MMAA: variants seen among roughly 807,000 people sequenced by gnomAD.
The protein encoded by MMAA is methylmalonic aciduria type A protein, mitochondrial.
Under a neutral mutation model 45.0 loss-of-function variants are expected in MMAA, and 41 were observed. The ratio of observed to expected loss-of-function variants is 0.91; its 90% CI spans 0.71 to 1.18. The LOEUF is 1.18. Among genes scored for constraint, MMAA ranks in the 50% most tolerant of loss-of-function variants. The pLI is 0.00. For synonymous variants in MMAA, 154 were observed against 178.2 expected (o/e 0.86, Z 1.08); for missense variants, 460 against 495.7 (o/e 0.93, Z 0.68).
chr4:145,622,224 G>A (rs1182199983), intron 1 of MMAA, among the ~76,000 whole-genome samples: 1 of 152,036 alleles, frequency 6.6e-6, no homozygotes, highest in Non-Finnish European at 1.5e-5. Flanking sequence ...AGTCTCATGG[G>A]ATCTGATGGT....
intron 4 of MMAA, among the ~76,000 whole-genome samples, chr4:145,646,798 G>A (rs1381015486): frequency 1.3e-5 from 2 of 152,192 alleles, no homozygotes; most frequent in African/African-American, 4.8e-5. Flanking sequence ...AAGATACACG[G>A]GAGTGAGAAA....
At chr4:145,625,207 C>G in intron 1 of MMAA, 2 of 1,407,866 alleles carry the variant, frequency 1.4e-6, no homozygotes, top group Non-Finnish European at 2.0e-6. Flanking sequence ...GGCTGTTACA[C>G]TTTTGATAAC....
At chr4:145,630,561 T>G (rs1202099460) in intron 1 of MMAA, among the ~76,000 whole-genome samples, 1 of 152,168 alleles carries the variant, frequency 6.6e-6, no homozygotes, top group East Asian at 1.9e-4. Flanking sequence ...AAACCCCATC[T>G]CTACTAAAAA....
At chr4:145,653,858 A>G (rs1009655946) in intron 5 of MMAA, 136 bp from the exon 6 acceptor site, 16 of 896,096 alleles carry the variant, frequency 1.8e-5, no homozygotes, top group Non-Finnish European at 2.8e-5. Context: ...CTGTCAAGTA[A>G]TGGTGATTCT....
chr4:145,631,104 G>GAGA (rs1176726998), intron 1 of MMAA, among the ~76,000 whole-genome samples: 1 of 152,212 alleles, frequency 6.6e-6, no homozygotes, highest in Non-Finnish European at 1.5e-5. Flanking sequence ...ATGTACCAAA[G>GAGA]AGAAGAATGT....
At chr4:145,636,780 G>C (rs1727622019) in intron 1 of MMAA, among the ~76,000 whole-genome samples, 1 of 152,150 alleles carries the variant, frequency 6.6e-6, no homozygotes, top group Admixed American at 6.5e-5. Flanking sequence ...TTCTTTCTTT[G>C]ATGTCACGTA....
Position 145,655,443 on chromosome 4 carries a change from A to T in MMAA, c.*9A>T. 6.2e-7 allele frequency: 1 copy of T among 1,601,550 alleles called. No homozygotes were observed. The highest frequency in any genetic ancestry group is 1.1e-5 in the South Asian group (1 of 88,624). On this transcript the variant is annotated 3_prime_UTR_variant, in exon 7 of 7. Coordinates refer to ENST00000649156, the MANE Select transcript of MMAA (RefSeq NM_172250.3). Reference sequence around the variant, plus strand: ...TTAAAAGCAGAGACTAATAAAATTCATCCTGTATAATAATTTTACATATCA... The same window carrying T: ...TTAAAAGCAGAGACTAATAAAATTCTTCCTGTATAATAATTTTACATATCA...
chr4:145,630,431 T>G lies in MMAA; in HGVS notation c.-65-8644T>G, dbSNP rs191167558. 1.4e-3 allele frequency among the ~76,000 whole-genome samples: 208 copies of G among 152,306 alleles called. 1 individual carries two copies. Among genetic ancestry groups the G allele is most frequent in the Middle Eastern group, 0.01 (3 of 294 alleles). ...GCTTGCTCTTGATTTTCTAGCTCTT[T>G]AAGATGCATTGTTTAGGCCGGGTGC... On this transcript the variant is annotated intron_variant, in intron 1 of 6. Coordinates refer to ENST00000649156, the MANE Select transcript of MMAA (RefSeq NM_172250.3).
At chr4:145,625,277 A>G in intron 1 of MMAA, 1 of 766,866 alleles carries the variant, frequency 1.3e-6, no homozygotes, top group African/African-American at 1.7e-5. Flanking sequence ...TAAGCCCTTT[A>G]GGTTTCCCCA....
chr4:145,655,570 A>T lies in MMAA; in HGVS notation c.*136A>T. On this transcript the variant is annotated 3_prime_UTR_variant, in exon 7 of 7. Transcript: ENST00000649156. ...CTTTGTTTGTGACCCATGCTTGAAA[A>T]CTTGAAGGAAGTTAGATATGAATGG... 2.3e-6 allele frequency: 2 copies of T among 881,822 alleles called. No individual in the cohort carries two copies. Among genetic ancestry groups the T allele is most frequent in the South Asian group, 1.9e-5 (1 of 51,454 alleles). 54.6% of individuals were successfully genotyped at this position (881,822 alleles called of 1,614,324 possible).
At chr4:145,649,821 G>A (rs899889512) in intron 4 of MMAA, among the ~76,000 whole-genome samples, 1 of 151,898 alleles carries the variant, frequency 6.6e-6, no homozygotes, top group Non-Finnish European at 1.5e-5. Flanking sequence ...GCCCAGGTGG[G>A]AGCACAGCAG....
intron 2 of MMAA, among the ~76,000 whole-genome samples, chr4:145,641,199 G>A (rs188193212): frequency 7.9e-5 from 12 of 152,232 alleles, no homozygotes. Context: ...GCAAACTCCC[G>A]CAGAGAAATT....
At chr4:145,624,641 C>T in intron 1 of MMAA, 1 of 1,431,160 alleles carries the variant, frequency 7.0e-7, no homozygotes, top group Non-Finnish European at 9.7e-7. Flanking sequence ...AAGGACAGAG[C>T]CACATATTCA....
At chr4:145,619,859 A>G (rs1734055726) in intron 1 of MMAA, among the ~76,000 whole-genome samples, 1 of 152,180 alleles carries the variant, frequency 6.6e-6, no homozygotes, top group African/African-American at 2.4e-5. Context: ...AATCCAGGAT[A>G]TAAAAGTTGG....
At chr4:145,640,215 C>A (rs1338704848) in intron 2 of MMAA, among the ~76,000 whole-genome samples, 4 of 151,948 alleles carry the variant, frequency 2.6e-5, no homozygotes, top group African/African-American at 2.4e-5. Context: ...CAGGTTCATG[C>A]AGTTCTCCTG....
intron 3 of MMAA, among the ~76,000 whole-genome samples, chr4:145,644,792 A>G (rs1200073256): frequency 6.6e-6 from 1 of 152,204 alleles, no homozygotes; most frequent in East Asian, 1.9e-4. Context: ...CGGTAGTGAC[A>G]TTTTATGTCA....
chr4:145,624,558 A>G (rs1375952796), intron 1 of MMAA: 3 of 1,184,936 alleles, frequency 2.5e-6, no homozygotes, highest in East Asian at 2.3e-5. Flanking sequence ...GGAATCAGCA[A>G]TTCTAGAAGG....
chr4:145,621,522 A>G (rs143923597), intron 1 of MMAA, among the ~76,000 whole-genome samples: 36 of 152,328 alleles, frequency 2.4e-4, no homozygotes, highest in African/African-American at 8.7e-4. Flanking sequence ...TTGCTTATTT[A>G]AGAAGTCATC....
intron 4 of MMAA, among the ~76,000 whole-genome samples, chr4:145,649,156 G>C (rs913076392): frequency 1.3e-5 from 2 of 151,606 alleles, no homozygotes; most frequent in Non-Finnish European, 2.9e-5. Context: ...AAATTAGCCA[G>C]GCATTGTGTT....
Sources: gnomAD v4.1 joint callset for allele counts (sites outside exome capture counted in the v4.1 genomes callset) on GRCh38, gnomAD v4.1.1 for gene constraint, MANE v1.5 for transcripts, NCBI Gene and HGNC (gene_info 2026-07-23, HGNC 2026-07-21) for gene names.